Variants in SUCLA2 observed in about 807,000 individuals in gnomAD.
SUCLA2 encodes the protein succinate--CoA ligase [ADP-forming] subunit beta, mitochondrial.
Under a neutral mutation model 54.8 loss-of-function variants are expected in SUCLA2, and 30 were observed. The ratio of observed to expected loss-of-function variants is 0.55; its 90% CI spans 0.41 to 0.74. SUCLA2 has a LOEUF of 0.74. Among genes scored for constraint, SUCLA2 ranks in the 30% least tolerant of loss-of-function variants. The probability of loss-of-function intolerance (pLI) is 0.00; values close to 1 mark genes in which losing one functional copy is unlikely to be tolerated. For synonymous variants in SUCLA2, 172 were observed against 188.9 expected (o/e 0.91, Z 0.74); for missense variants, 476 against 562.9 (o/e 0.85, Z 1.56).
chr13:47,948,915 C>T, intron 10 of SUCLA2, 25 bp downstream of exon 10: 1 of 1,605,502 alleles, frequency 6.2e-7, no homozygotes, highest in Non-Finnish European at 8.5e-7. Flanking sequence ...TATAAATCCT[C>T]CTTAGATGAA....
intron 2 of SUCLA2, among the ~76,000 whole-genome samples, chr13:47,996,336 A>G (rs918609687): frequency 6.6e-6 from 1 of 151,250 alleles, no homozygotes; most frequent in Non-Finnish European, 1.5e-5. Flanking sequence ...AAAAAAAAAA[A>G]AAAGAAAAGA....
intron 1 of SUCLA2, among the ~76,000 whole-genome samples, chr13:48,000,713 CA>C (rs988529856): frequency 2.6e-5 from 4 of 152,218 alleles, no homozygotes; most frequent in Non-Finnish European, 5.9e-5. Flanking sequence ...CCTTGCCCCA[CA>C]AAAGGCAAGT....
rs10661341 is a variant in SUCLA2, at chr13:47,945,422, C to CAAAAAAA, written c.1318-1984_1318-1978dup. On this transcript the variant is annotated intron_variant, in intron 10 of 10. Coordinates refer to ENST00000646932, the MANE Select transcript of SUCLA2 (RefSeq NM_003850.3). Reference sequence around the variant, plus strand: ...TAGGTGACAGAGCAAGACTCAGTCTCAAAAAAAAAAAAAAAAAAAAAATCA... The same window carrying CAAAAAAA: ...TAGGTGACAGAGCAAGACTCAGTCTCAAAAAAAAAAAAAAAAAAAAAAAAAAAAATCA... 2.1e-3 allele frequency among the ~76,000 whole-genome samples: 107 copies of CAAAAAAA among 49,934 alleles called. 5 individuals carry two copies. The highest frequency in any genetic ancestry group is 0.028 in the Middle Eastern group (1 of 36). 32.8% of individuals were successfully genotyped at this position (49,934 alleles called of 152,430 possible).
At position 47,997,016 on chromosome 13, in the gene SUCLA2, C is replaced by T; in HGVS notation, c.98G>A (p.Gly33Glu). 1 of 1,614,048 alleles carries T rather than the reference C, an allele frequency of 6.2e-7. No homozygotes were observed. The highest frequency in any genetic ancestry group is 1.1e-5 in the South Asian group (1 of 91,082). ...TAQRAAAQVL[G>E]SSGLFNNHGL... ...ATGGTTATTAAACAATCCAGAACTTCCCAGAACCTAGAAAGATTGGGGACA... is the reference window on the plus strand; with the variant it reads ...ATGGTTATTAAACAATCCAGAACTTTCCAGAACCTAGAAAGATTGGGGACA... The change falls in exon 2 of 11, where the codon GGA becomes GAA. Residue 33 changes from glycine to glutamate, a missense_variant. Gly to Glu is a moderately conservative substitution (Grantham distance 98). Around this residue, in one of 2 missense-constraint regions of SUCLA2, gnomAD observed 134 missense variants for 118.7 expected, o/e 1.13. Coordinates refer to ENST00000646932, the MANE Select transcript of SUCLA2 (RefSeq NM_003850.3).
chr13:48,000,750 A>AT, intron 1 of SUCLA2: 1 of 622,166 alleles, frequency 1.6e-6, no homozygotes, highest in African/African-American at 2.0e-5. Flanking sequence ...GTCCTCTGAC[A>AT]TTCCCACCTA....
intron 4 of SUCLA2, among the ~76,000 whole-genome samples, chr13:47,985,413 G>A (rs1950094230): frequency 7.6e-6 from 1 of 130,856 alleles, no homozygotes; most frequent in Admixed American, 8.4e-5. Flanking sequence ...ACAGGCCCCA[G>A]TGTGTGTTGA....
At chr13:47,997,199 G>T (rs1715848261) in intron 1 of SUCLA2, among the ~76,000 whole-genome samples, 176 bp from the exon 2 acceptor site, 1 of 152,106 alleles carries the variant, frequency 6.6e-6, no homozygotes. Context: ...AAATATCACT[G>T]TTACCACTGT....
At chr13:47,983,848 C>G (rs1297067736) in intron 4 of SUCLA2, among the ~76,000 whole-genome samples, 2 of 151,876 alleles carry the variant, frequency 1.3e-5, no homozygotes, top group South Asian at 2.1e-4. Context: ...TGAAAAGCCA[C>G]AGAGAAGGCA....
Position 47,949,599 on chromosome 13 carries a change from A to T in SUCLA2, c.1112T>A (p.Leu371Gln), listed in dbSNP as rs777781997. 1.9e-6 allele frequency: 3 copies of T among 1,613,408 alleles called. No individual in the cohort carries two copies. The Admixed American group carries it at 5.0e-5, about 27-fold the overall frequency. Residue 371 changes from leucine to glutamine, a missense_variant, in exon 9 of 11, where the codon CTG (leucine) becomes CAG (glutamine). Leu to Gln is a moderately radical substitution (Grantham distance 113). Around this residue, in one of 2 missense-constraint regions of SUCLA2, gnomAD observed 342 missense variants for 444.2 expected, o/e 0.77. Transcript: ENST00000646932. The part of the protein sequence containing the change: ...FKLITSDKKV[L>Q]AILVNIFGGI... ...TCCAAAAATGTTGACCAGAATAGCC[A>T]GTACCTATGAATAAAGTGTTCTGAT...
intron 1 of SUCLA2, among the ~76,000 whole-genome samples, chr13:47,998,296 TAAAAAAAAAAAAA>T (rs58573331): frequency 1.5e-5 from 2 of 136,188 alleles, no homozygotes; most frequent in Admixed American, 1.5e-4. Context: ...ATAAATAAGT[TAAAAAAAAAAAAA>T]AAAAGAAAAA....
chr13:47,943,564 T>C, intron 10 of SUCLA2, 119 bp from the exon 11 acceptor site: 1 of 849,632 alleles, frequency 1.2e-6, no homozygotes, highest in Non-Finnish European at 2.0e-6. Context: ...CTGACATTGC[T>C]ATAAATCACA....
chr13:47,990,810 G>A (rs1950144022), intron 2 of SUCLA2, among the ~76,000 whole-genome samples: 1 of 152,186 alleles, frequency 6.6e-6, no homozygotes, highest in South Asian at 2.1e-4. Context: ...AATGAGGTAG[G>A]AAATGGAGTT....
At chr13:47,960,316 C>A (rs1287668032) in intron 6 of SUCLA2, among the ~76,000 whole-genome samples, 1 of 151,972 alleles carries the variant, frequency 6.6e-6, no homozygotes, top group Non-Finnish European at 1.5e-5. Context: ...TGTGGTCAAG[C>A]CTTTAAAAAT....
chr13:47,958,914 G>A (rs1356812090), intron 6 of SUCLA2, among the ~76,000 whole-genome samples: 1 of 152,140 alleles, frequency 6.6e-6, no homozygotes, highest in African/African-American at 2.4e-5. Context: ...TGGGATAAAT[G>A]TTTTAGGTAA....
intron 8 of SUCLA2, among the ~76,000 whole-genome samples, chr13:47,950,941 T>C (rs1949770804): frequency 6.6e-6 from 1 of 152,168 alleles, no homozygotes; most frequent in Non-Finnish European, 1.5e-5. Flanking sequence ...ACCACTATTA[T>C]TCCCAGACCT....
chr13:47,960,734 CTT>C (rs1949864149), intron 6 of SUCLA2, among the ~76,000 whole-genome samples: 1 of 151,940 alleles, frequency 6.6e-6, no homozygotes, highest in Admixed American at 6.6e-5. Context: ...TTTCTAGTGA[CTT>C]TTGATCCCAA....
chr13:47,959,886 C>T (rs1160011415), intron 6 of SUCLA2, among the ~76,000 whole-genome samples: 1 of 151,868 alleles, frequency 6.6e-6, no homozygotes, highest in Non-Finnish European at 1.5e-5. Flanking sequence ...TAGTGTGGAC[C>T]CATATTTCAC....
intron 5 of SUCLA2, chr13:47,971,587 A>G (rs956609517): frequency 9.7e-5 from 25 of 256,544 alleles, no homozygotes; most frequent in Non-Finnish European, 1.5e-4. Context: ...GAAGCAGCAC[A>G]CAAGGACAAT....
At chr13:47,953,200 T>C (rs896521374) in intron 8 of SUCLA2, among the ~76,000 whole-genome samples, 3 of 152,160 alleles carry the variant, frequency 2.0e-5, no homozygotes, top group African/African-American at 7.2e-5. Context: ...TCCCCTACAC[T>C]GTAACTCTTC....
Sources: gnomAD v4.1 joint callset for allele counts (sites outside exome capture counted in the v4.1 genomes callset) on GRCh38, gnomAD v4.1.1 for gene constraint, gnomAD v4.1.1 regional missense constraint, MANE v1.5 for transcripts, NCBI Gene and HGNC (gene_info 2026-07-23, HGNC 2026-07-21) for gene names.